LRP1B: variants seen among roughly 807,000 people sequenced by gnomAD.
LRP1B encodes LDL receptor related protein 1B, also known as low-density lipoprotein receptor-related protein 1B.
LRP1B carries 217 observed loss-of-function variants against 556.6 expected under a neutral mutation model. The observed-to-expected ratio is 0.39, with a 90% CI of 0.35 to 0.44. LRP1B has a LOEUF of 0.44. LRP1B is among the 20% of genes least tolerant of loss of function. The pLI, the probability that LRP1B is intolerant of heterozygous loss-of-function variation, is 1.00. For missense variants in LRP1B, 5,053 were observed against 5,620.8 expected (o/e 0.90, Z 3.23); for synonymous variants, 2,047 against 1,865.8 (o/e 1.10, Z -2.50).
intron 32 of LRP1B, among the ~76,000 whole-genome samples, chr2:140,809,820 G>A (rs904218587): frequency 6.6e-6 from 1 of 152,186 alleles, no homozygotes; most frequent in Admixed American, 6.5e-5. Flanking sequence ...TTCTTCCCAC[G>A]TGTACTTCTT....
At chr2:140,717,486 C>T (rs929203143) in intron 35 of LRP1B, among the ~76,000 whole-genome samples, 6 of 151,990 alleles carry the variant, frequency 3.9e-5, no homozygotes, top group South Asian at 4.1e-4. Context: ...TATGTGATCA[C>T]AGAGTCTTTA....
chr2:141,540,269 G>A (rs1685209737), intron 2 of LRP1B, among the ~76,000 whole-genome samples: 1 of 151,162 alleles, frequency 6.6e-6, no homozygotes, highest in African/African-American at 2.4e-5. Context: ...AACACATTAG[G>A]GAGTATGCAA....
intron 18 of LRP1B, among the ~76,000 whole-genome samples, chr2:140,954,620 A>C (rs962609713): frequency 6.6e-6 from 1 of 152,082 alleles, no homozygotes; most frequent in Admixed American, 6.5e-5. Flanking sequence ...CAGTCAAAAA[A>C]TAAAGTGGAA....
At chr2:140,917,211 A>G (rs1694605749) in intron 21 of LRP1B, among the ~76,000 whole-genome samples, 1 of 152,194 alleles carries the variant, frequency 6.6e-6, no homozygotes, top group South Asian at 2.1e-4. Context: ...GTTCAAGGAT[A>G]TAGAGCAGCA....
chr2:141,045,733 C>T (rs1574016186), intron 11 of LRP1B, among the ~76,000 whole-genome samples: 1 of 152,052 alleles, frequency 6.6e-6, no homozygotes, highest in Non-Finnish European at 1.5e-5. Context: ...TCACCTAGAA[C>T]AGCACCTGGC....
At chr2:141,966,764 TC>T (rs1480829766) in intron 1 of LRP1B, among the ~76,000 whole-genome samples, 2 of 151,830 alleles carry the variant, frequency 1.3e-5, no homozygotes, top group African/African-American at 4.8e-5. Context: ...TGTCATACTG[TC>T]AGATAACAGC....
intron 3 of LRP1B, among the ~76,000 whole-genome samples, chr2:141,304,449 G>T (rs979842279): frequency 6.8e-6 from 1 of 146,484 alleles, no homozygotes. Context: ...TTTGTATATT[G>T]AGAAAGTAGG....
intron 35 of LRP1B, among the ~76,000 whole-genome samples, chr2:140,731,281 G>A (rs10221882): frequency 0.16 from 24,327 of 151,946 alleles, 2,012 homozygotes; most frequent in South Asian, 0.2. Context: ...TGACTGAGAT[G>A]GGCTCTCATT....
intron 43 of LRP1B, among the ~76,000 whole-genome samples, chr2:140,580,279 G>A (rs1681708731): frequency 1.3e-5 from 2 of 152,102 alleles, no homozygotes; most frequent in Admixed American, 6.5e-5. Flanking sequence ...TAAATATTGG[G>A]GAGGGTCAAA....
intron 82 of LRP1B, among the ~76,000 whole-genome samples, chr2:140,318,625 C>G (rs1684633170): frequency 6.8e-6 from 1 of 147,798 alleles, no homozygotes; most frequent in African/African-American, 2.6e-5. Context: ...GCTAGAATTT[C>G]CAATAACTCT....
chr2:140,436,308 T>C (rs1445255250), intron 66 of LRP1B, among the ~76,000 whole-genome samples: 1 of 152,170 alleles, frequency 6.6e-6, no homozygotes, highest in Non-Finnish European at 1.5e-5. Context: ...TTTTGAAAGC[T>C]TCCATTAAAA....
chr2:140,831,492 TC>T (rs1452839262), intron 31 of LRP1B, among the ~76,000 whole-genome samples: 1 of 152,102 alleles, frequency 6.6e-6, no homozygotes, highest in Non-Finnish European at 1.5e-5. Flanking sequence ...GAGACTAGAT[TC>T]CTATCTCTTG....
At chr2:141,418,340 T>A (rs192057432) in intron 3 of LRP1B, among the ~76,000 whole-genome samples, 2 of 152,282 alleles carry the variant, frequency 1.3e-5, no homozygotes, top group East Asian at 3.9e-4. Context: ...TTGCCCTACA[T>A]TCTTTTCTTT....
At chr2:141,764,208 T>C (rs1222293310) in intron 2 of LRP1B, among the ~76,000 whole-genome samples, 1 of 151,170 alleles carries the variant, frequency 6.6e-6, no homozygotes, top group African/African-American at 2.4e-5. Context: ...TGAGACAGAG[T>C]TTTGCTCTCA....
At chr2:141,442,642 A>G (rs1223533452) in intron 3 of LRP1B, among the ~76,000 whole-genome samples, 2 of 151,908 alleles carry the variant, frequency 1.3e-5, no homozygotes, top group African/African-American at 4.8e-5. Context: ...TTGTGTTCTC[A>G]TTGTTCAACT....
intron 17 of LRP1B, among the ~76,000 whole-genome samples, chr2:140,986,693 T>C (rs1696936869): frequency 6.6e-6 from 1 of 152,172 alleles, no homozygotes; most frequent in African/African-American, 2.4e-5. Flanking sequence ...CTTAGCAATT[T>C]GAATATTGCA....
At chr2:140,350,073 G>T (rs570546324) in intron 77 of LRP1B, among the ~76,000 whole-genome samples, 20 of 152,046 alleles carry the variant, frequency 1.3e-4, no homozygotes, top group African/African-American at 4.3e-4. Flanking sequence ...TTGACTTTTT[G>T]GTTGTACAGG....
At chr2:140,754,769 GAAAA>G (rs35390789) in intron 35 of LRP1B, among the ~76,000 whole-genome samples, 1 of 142,546 alleles carries the variant, frequency 7.0e-6, no homozygotes, top group Non-Finnish European at 1.5e-5. Flanking sequence ...TTAAGAACTA[GAAAA>G]AAAAAAACAG....
At chr2:141,319,210 G>C (rs920033609) in intron 3 of LRP1B, among the ~76,000 whole-genome samples, 1 of 145,636 alleles carries the variant, frequency 6.9e-6, no homozygotes, top group African/African-American at 2.5e-5. Flanking sequence ...ATTTTTTATT[G>C]TTTTTCATGA....
Sources: allele counts gnomAD v4.1 joint callset (sites outside exome capture counted in the v4.1 genomes callset), GRCh38; gene constraint gnomAD v4.1.1; transcripts MANE v1.5; gene names NCBI Gene and HGNC (gene_info 2026-07-23, HGNC 2026-07-21).